The following DMD variants were observed in gnomAD, a reference collection of about 807,000 sequenced individuals.
The protein encoded by DMD is mutant dystrophin.
In DMD, 63 loss-of-function variants were observed where a neutral mutation model predicts 330.1. The observed-to-expected ratio is 0.19, with a 90% CI of 0.16 to 0.24. DMD has a LOEUF of 0.24. Among genes scored for constraint, DMD ranks in the 10% least tolerant of loss-of-function variants. The pLI is 1.00. For synonymous variants in DMD, 1,223 were observed against 959.8 expected, an observed-to-expected ratio of 1.27 and a Z score of -5.07; for missense variants, 3,344 against 2,684.1, an observed-to-expected ratio of 1.25 and a Z score of -5.43.
chrX:32,724,534 T>C (rs192501525), intron 7 of DMD, among the ~76,000 whole-genome samples: 1 of 111,851 alleles, frequency 8.9e-6, no homozygotes, highest in East Asian at 2.8e-4. Context: ...ATGTTAAAGC[T>C]AATTTTACTC....
chrX:33,218,820 G>A (rs2052107294), intron 1 of DMD, among the ~76,000 whole-genome samples: 1 of 111,239 alleles, frequency 9.0e-6, no homozygotes, highest in African/African-American at 3.3e-5. Flanking sequence ...TGTTACGACT[G>A]TGTAATTTCT....
At chrX:31,391,420 T>C (rs1428519653) in intron 60 of DMD, among the ~76,000 whole-genome samples, 1 of 111,706 alleles carries the variant, frequency 9.0e-6, no homozygotes, top group African/African-American at 3.3e-5. Context: ...TTCTCACTAT[T>C]TTTAATAATA....
At chrX:31,953,162 C>T (rs1375038418) in intron 45 of DMD, among the ~76,000 whole-genome samples, 2 of 112,568 alleles carry the variant, frequency 1.8e-5, no homozygotes, top group African/African-American at 3.2e-5. Context: ...AGGCCTATTA[C>T]GGCTGCCTCA....
intron 37 of DMD, among the ~76,000 whole-genome samples, chrX:32,350,545 A>G (rs1366430166): frequency 9.0e-6 from 1 of 111,470 alleles, no homozygotes; most frequent in African/African-American, 3.2e-5. Flanking sequence ...TTGACTTGCT[A>G]TGATCCACTT....
intron 21 of DMD, among the ~76,000 whole-genome samples, chrX:32,480,826 T>A (rs984086451): frequency 9.0e-6 from 1 of 110,925 alleles, no homozygotes; most frequent in Non-Finnish European, 1.9e-5. Context: ...TTGCTCTTGA[T>A]GGTATTGATA....
At chrX:32,750,163 A>T (rs2070627820) in intron 7 of DMD, among the ~76,000 whole-genome samples, 1 of 112,465 alleles carries the variant, frequency 8.9e-6, no homozygotes. Context: ...ACGGAAAATC[A>T]TGTATATTGC....
At chrX:31,341,838 A>G (rs2057752124) in intron 61 of DMD, among the ~76,000 whole-genome samples, 1 of 110,818 alleles carries the variant, frequency 9.0e-6, no homozygotes, top group Non-Finnish European at 1.9e-5. Flanking sequence ...TGCAACCCAC[A>G]GAAGAAAAAC....
In DMD at chrX:31,177,017, C is replaced by G. The variant is rs114539178; in HGVS notation, c.10262+915G>C. ...TGAATTCTTACACAAGCTTATCTTC[C>G]GAATTGGTCATTTCCCCTTTATCCA... On this transcript the variant is annotated intron_variant, in intron 71 of 78. Transcript: ENST00000357033. Among the ~76,000 whole-genome samples, 817 of 111,032 alleles carry G rather than the reference C, an allele frequency of 7.4e-3. 12 individuals carry two copies. The highest frequency in any genetic ancestry group is 0.025 in the African/African-American group (778 of 30,711).
At chrX:33,270,235 T>C (rs1018019384) in intron 1 of DMD, among the ~76,000 whole-genome samples, 1 of 111,230 alleles carries the variant, frequency 9.0e-6, no homozygotes, top group Non-Finnish European at 1.9e-5. Context: ...AAACAATAAA[T>C]AGTCAGATTT....
intron 44 of DMD, among the ~76,000 whole-genome samples, chrX:32,165,427 T>A (rs56759008): frequency 0.067 from 7,491 of 112,443 alleles, 206 homozygotes; most frequent in African/African-American, 0.093. Context: ...TTGGACTGGC[T>A]TGGGGCCTGT....
At chrX:31,541,704 A>G (rs969784000) in intron 55 of DMD, among the ~76,000 whole-genome samples, 1 of 110,597 alleles carries the variant, frequency 9.0e-6, no homozygotes, top group Non-Finnish European at 1.9e-5. Context: ...TCCATGATAT[A>G]TATGTGCCAC....
At chrX:32,926,863 TTGAA>T (rs2089073184) in intron 2 of DMD, among the ~76,000 whole-genome samples, 1 of 110,921 alleles carries the variant, frequency 9.0e-6, no homozygotes, top group South Asian at 3.8e-4. Flanking sequence ...AAACAACATG[TTGAA>T]TGAAATAAAG....
chrX:33,300,834 C>A (rs138753254), intron 1 of DMD, among the ~76,000 whole-genome samples: 1,488 of 111,857 alleles, frequency 0.013, 21 homozygotes, highest in African/African-American at 0.045. Context: ...TAATTGCTGT[C>A]TCTTTTACAT....
chrX:31,806,785 T>G (rs1419110939), intron 50 of DMD, among the ~76,000 whole-genome samples: 1 of 112,782 alleles, frequency 8.9e-6, no homozygotes, highest in Non-Finnish European at 1.9e-5. Flanking sequence ...CCAAGAAGCA[T>G]GCTTAAGTGG....
At chrX:31,710,753 C>G (rs1264331326) in intron 52 of DMD, among the ~76,000 whole-genome samples, 1 of 111,559 alleles carries the variant, frequency 9.0e-6, no homozygotes, top group Non-Finnish European at 1.9e-5. Flanking sequence ...GCCTGATCAT[C>G]TCTAGGTAAA....
At chrX:31,655,681 T>C (rs1403170361) in intron 54 of DMD, among the ~76,000 whole-genome samples, 4 of 110,714 alleles carry the variant, frequency 3.6e-5, no homozygotes, top group Non-Finnish European at 5.7e-5. Flanking sequence ...GAGTTTCATA[T>C]AAGGACAAGT....
At chrX:32,681,928 A>G (rs140711357) in intron 9 of DMD, among the ~76,000 whole-genome samples, 3,227 of 110,946 alleles carry the variant, frequency 0.029, 47 homozygotes, top group Non-Finnish European at 0.044. Context: ...TGGGGGAAAA[A>G]CCCTTCCAGG....
intron 5 of DMD, among the ~76,000 whole-genome samples, chrX:32,819,025 T>C (rs1162320363): frequency 4.8e-5 from 5 of 104,896 alleles, no homozygotes; most frequent in Non-Finnish European, 9.8e-5. Context: ...TTTTTTTTTT[T>C]TCCAGGGCAT....
chrX:33,272,564 T>G (rs1234788128), intron 1 of DMD, among the ~76,000 whole-genome samples: 2 of 110,855 alleles, frequency 1.8e-5, no homozygotes, highest in Non-Finnish European at 3.8e-5. Flanking sequence ...AGAGCTAAAG[T>G]CTTTCTCAAG....
Sources: gnomAD v4.1 joint callset for allele counts (sites outside exome capture counted in the v4.1 genomes callset) on GRCh38, gnomAD v4.1.1 for gene constraint, MANE v1.5 for transcripts, NCBI Gene and HGNC (gene_info 2026-07-23, HGNC 2026-07-21) for gene names.